Variants in TOX2 observed in about 807,000 individuals in gnomAD.
TOX2 encodes the protein TOX high mobility group box family member 2.
A neutral mutation model predicts 47.4 loss-of-function variants in TOX2; 15 were observed. The ratio of observed to expected loss-of-function variants is 0.32; its 90% CI spans 0.21 to 0.49. The LOEUF (loss-of-function observed/expected upper bound fraction) is 0.49, where lower values mean the gene tolerates loss of function less well. TOX2 is among the 20% of genes least tolerant of loss of function. The pLI is 0.99. For synonymous variants in TOX2, 290 were observed against 296.6 expected (o/e 0.98, Z 0.23); for missense variants, 622 against 673.1 (o/e 0.92, Z 0.84).
chr20:43,916,480 G>A lies in TOX2; in HGVS notation c.99+1490G>A, dbSNP rs2069056821. 6.6e-6 allele frequency among the ~76,000 whole-genome samples: 1 copy of A among 152,232 alleles called. No homozygotes were observed. Among genetic ancestry groups the A allele is most frequent in the Admixed American group, 6.5e-5 (1 of 15,288 alleles). ...GGGGCGGTGGTGGGCGACAAGTGAGGTCTCGCGAAGAGTGGCGGTGGTTCT... is the reference window on the plus strand; with the variant it reads ...GGGGCGGTGGTGGGCGACAAGTGAGATCTCGCGAAGAGTGGCGGTGGTTCT... On this transcript the variant is annotated intron_variant, in intron 1 of 8. Coordinates refer to ENST00000341197, the MANE Select transcript of TOX2 (RefSeq NM_001098797.2). This position sits in a 1 kb window ranked among gnomAD's most constrained non-coding sequence, Gnocchi z 5.0.
At chr20:44,037,012 T>C (rs1373260771) in intron 3 of TOX2, among the ~76,000 whole-genome samples, 1 of 152,230 alleles carries the variant, frequency 6.6e-6, no homozygotes, top group East Asian at 1.9e-4. Context: ...TGGAGTGCAA[T>C]GGTGCGATCG....
intron 1 of TOX2, among the ~76,000 whole-genome samples, chr20:43,971,925 C>T (rs1262752219): frequency 1.3e-5 from 2 of 152,158 alleles, no homozygotes; most frequent in African/African-American, 4.8e-5. Context: ...GTAGACGTTG[C>T]CTCTGGAGAG....
At chr20:43,927,694 CCCTT>C (rs199917132) in intron 1 of TOX2, among the ~76,000 whole-genome samples, 1 of 94,166 alleles carries the variant, frequency 1.1e-5, no homozygotes, top group Admixed American at 1.2e-4. Context: ...CCTTCCCTTC[CCCTT>C]CCTTCCTTTC....
rs1271891087 is a variant in TOX2, at chr20:43,916,242, C to T, written c.99+1252C>T. ...GCGTCCAGTGGCTGGATCGGCGCCCCCCAGGGTCTCTCCCCAACCTCGCAG... is the reference window on the plus strand; with the variant it reads ...GCGTCCAGTGGCTGGATCGGCGCCCTCCAGGGTCTCTCCCCAACCTCGCAG... On this transcript the variant is annotated intron_variant, in intron 1 of 8. Transcript: ENST00000341197. The surrounding 1 kb of genome is among the most constrained non-coding windows in gnomAD (Gnocchi z 5.0). 2 of 984,770 alleles carry T rather than the reference C, an allele frequency of 2.0e-6. No individual in the cohort carries two copies. Among genetic ancestry groups the T allele is most frequent in the African/African-American group, 3.5e-5 (2 of 57,232 alleles). The allele number at this position is 984,770 out of a possible 1,614,324, so 61.0% of individuals were successfully genotyped here.
chr20:44,038,261 G>A (rs568606800), intron 3 of TOX2, among the ~76,000 whole-genome samples: 37 of 152,156 alleles, frequency 2.4e-4, no homozygotes, highest in South Asian at 4.2e-4. Flanking sequence ...GCCGGGTTCC[G>A]TGGCTCCACC....
chr20:43,927,579 GAA>G lies in TOX2; in HGVS notation c.99+12590_99+12591del, dbSNP rs900119354. Among the ~76,000 whole-genome samples the G allele has an allele frequency of 4.2e-5, 6 of 141,506 alleles. No homozygotes were observed. In the Admixed American group the frequency reaches 4.4e-4, roughly 10 times the overall value. 92.8% of individuals were successfully genotyped at this position (141,506 alleles called of 152,430 possible). A position where few individuals can be genotyped will look rare whatever the true frequency, so the allele number is the denominator to read the frequency against. ...CTTGGCTCTTGGCTTTGCCACCTAT[GAA>G]GAGTTAATTTCCTTCCTTCCTTCCT... On this transcript the variant is annotated intron_variant, in intron 1 of 8. Transcript: ENST00000341197.
intron 5 of TOX2, among the ~76,000 whole-genome samples, chr20:44,062,885 G>A (rs2071745564): frequency 1.3e-5 from 2 of 152,168 alleles, no homozygotes; most frequent in South Asian, 2.1e-4. Flanking sequence ...AACATGAAGT[G>A]GGGAAAGGAC....
intron 3 of TOX2, among the ~76,000 whole-genome samples, chr20:44,031,248 T>A (rs6031307): frequency 0.68 from 102,754 of 151,978 alleles, 35,081 homozygotes; most frequent in East Asian, 0.76. Flanking sequence ...GTTAGCGCCC[T>A]CTGTGTTCAG....
At chr20:43,943,671 A>G (rs1281135436) in intron 1 of TOX2, among the ~76,000 whole-genome samples, 1 of 152,220 alleles carries the variant, frequency 6.6e-6, no homozygotes, top group East Asian at 1.9e-4. Flanking sequence ...TTTTCAGTGA[A>G]TGAATAAATA....
At chr20:44,012,763 A>T (rs1343718610) in intron 3 of TOX2, among the ~76,000 whole-genome samples, 5 of 152,210 alleles carry the variant, frequency 3.3e-5, no homozygotes, top group Admixed American at 6.5e-5. Flanking sequence ...ATGGATCTGA[A>T]GTTCAATAGT....
At chr20:43,994,291 C>G (rs1051826368) in intron 2 of TOX2, among the ~76,000 whole-genome samples, 10 of 135,524 alleles carry the variant, frequency 7.4e-5, no homozygotes, top group Non-Finnish European at 1.1e-4. Flanking sequence ...ATGGCAAAAA[C>G]CCATCTCTAC....
At chr20:43,972,962 G>A (rs2070002283) in intron 1 of TOX2, among the ~76,000 whole-genome samples, 1 of 152,214 alleles carries the variant, frequency 6.6e-6, no homozygotes, top group Admixed American at 6.5e-5. Flanking sequence ...GGTGTTCTTG[G>A]CCTCCCCCAG....
At chr20:43,956,799 A>G (rs894557385) in intron 1 of TOX2, among the ~76,000 whole-genome samples, 2 of 152,092 alleles carry the variant, frequency 1.3e-5, no homozygotes, top group African/African-American at 4.8e-5. Context: ...AGTTTATTTT[A>G]TGTGCATTTC....
At chr20:44,008,923 C>G (rs1373702333) in intron 3 of TOX2, among the ~76,000 whole-genome samples, 1 of 152,258 alleles carries the variant, frequency 6.6e-6, no homozygotes, top group Non-Finnish European at 1.5e-5. Context: ...CAGCCAGCAT[C>G]TTCCCTGACA....
At chr20:43,941,363 G>A (rs2002343) in intron 1 of TOX2, among the ~76,000 whole-genome samples, 18,721 of 146,750 alleles carry the variant, frequency 0.13, 1,392 homozygotes, top group East Asian at 0.26. Flanking sequence ...ACAGAATTTC[G>A]CTCTTGTTGC....
chr20:44,023,665 G>A (rs1033428892), intron 3 of TOX2, among the ~76,000 whole-genome samples: 1 of 152,238 alleles, frequency 6.6e-6, no homozygotes, highest in African/African-American at 2.4e-5. Context: ...CCACAGGCCA[G>A]CGTGGCCTGG....
intron 1 of TOX2, among the ~76,000 whole-genome samples, 197 bp from the exon 2 acceptor site, chr20:43,973,170 G>A (rs545320663): frequency 7.2e-5 from 11 of 152,342 alleles, no homozygotes; most frequent in South Asian, 2.1e-4. Context: ...CTCAAGGGCC[G>A]TGGAACAGGG....
chr20:44,049,729 G>A (rs1459973416), intron 3 of TOX2, among the ~76,000 whole-genome samples: 1 of 152,104 alleles, frequency 6.6e-6, no homozygotes, highest in Non-Finnish European at 1.5e-5. Context: ...ACTTACAAGT[G>A]AAAACATGAG....
intron 1 of TOX2, among the ~76,000 whole-genome samples, chr20:43,958,663 G>T (rs1250419939): frequency 1.3e-5 from 2 of 152,226 alleles, no homozygotes; most frequent in Admixed American, 6.5e-5. Flanking sequence ...CTGAGGTCAG[G>T]GCTTGGGGAA....
Sources: allele counts gnomAD v4.1 joint callset (sites outside exome capture counted in the v4.1 genomes callset), GRCh38; gene constraint gnomAD v4.1.1; non-coding constraint Gnocchi (gnomAD v3.1); transcripts MANE v1.5; gene names NCBI Gene and HGNC (gene_info 2026-07-23, HGNC 2026-07-21).